Variants in LATS2 observed in about 807,000 individuals in gnomAD.
LATS2 encodes serine/threonine-protein kinase LATS2.
LATS2 carries 24 observed loss-of-function variants against 76.0 expected under a neutral mutation model. The ratio of observed to expected loss-of-function variants is 0.32; its 90% CI spans 0.23 to 0.44. The LOEUF is 0.44. LATS2 is among the 20% of genes least tolerant of loss of function. LATS2 has a pLI of 1.00. For synonymous variants in LATS2, 692 were observed against 635.4 expected (o/e 1.09, Z -1.34); for missense variants, 1,286 against 1,481.2 (o/e 0.87, Z 2.16).
chr13:21,017,975 G>A (rs982673634), intron 2 of LATS2: 15 of 152,098 alleles, frequency 9.9e-5, no homozygotes, highest in African/African-American at 3.6e-4. Flanking sequence ...TCAATTAGGT[G>A]CCATGGTTTT....
chr13:20,979,342 G>GT (rs1869768251), intron 7 of LATS2, among the ~76,000 whole-genome samples: 1 of 151,998 alleles, frequency 6.6e-6, no homozygotes, highest in African/African-American at 2.4e-5. Flanking sequence ...CTGGAGTTCC[G>GT]TGTGTTCTCT....
chr13:20,980,302 G>A (rs913022681), intron 6 of LATS2, among the ~76,000 whole-genome samples: 48 of 152,190 alleles, frequency 3.2e-4, no homozygotes, highest in African/African-American at 6.0e-4. Context: ...AGGCCCCTAC[G>A]GAGCCGGGCC....
At chr13:21,045,322 C>T (rs945380474) in intron 2 of LATS2, among the ~76,000 whole-genome samples, 1 of 152,102 alleles carries the variant, frequency 6.6e-6, no homozygotes, top group African/African-American at 2.4e-5. Flanking sequence ...GGAAGCCAGT[C>T]TCTTTCCACG....
At chr13:20,980,237 G>A (rs978416188) in intron 6 of LATS2, among the ~76,000 whole-genome samples, 1 of 152,108 alleles carries the variant, frequency 6.6e-6, no homozygotes, top group Non-Finnish European at 1.5e-5. Flanking sequence ...GAGATGAGGA[G>A]GAGGTGGGCA....
chr13:21,001,983 G>A (rs1203773941), intron 2 of LATS2, among the ~76,000 whole-genome samples: 3 of 150,202 alleles, frequency 2.0e-5, no homozygotes, highest in Admixed American at 6.6e-5. Flanking sequence ...GCACTATCTC[G>A]GCTCACTGCA....
chr13:21,010,002 C>G (rs1215934706), intron 2 of LATS2, among the ~76,000 whole-genome samples: 1 of 152,120 alleles, frequency 6.6e-6, no homozygotes, highest in African/African-American at 2.4e-5. Context: ...GTGTTCGAGA[C>G]CAGCCTGGCC....
At chr13:20,976,174 G>A (rs920098551) in intron 7 of LATS2, among the ~76,000 whole-genome samples, 4 of 152,150 alleles carry the variant, frequency 2.6e-5, no homozygotes, top group African/African-American at 9.7e-5. Flanking sequence ...ACAAAACCTA[G>A]GGGACTTCTT....
At chr13:21,003,784 C>G (rs1177570870) in intron 2 of LATS2, among the ~76,000 whole-genome samples, 1 of 151,678 alleles carries the variant, frequency 6.6e-6, no homozygotes, top group Non-Finnish European at 1.5e-5. Context: ...CACCATGTTG[C>G]CTAGGCTGGT....
At chr13:21,003,422 TTGTC>T (rs906674527) in intron 2 of LATS2, among the ~76,000 whole-genome samples, 48 of 150,422 alleles carry the variant, frequency 3.2e-4, no homozygotes, top group Middle Eastern at 3.4e-3. Context: ...CAACTAATTT[TTGTC>T]TGTCTTTCTT....
At chr13:21,045,664 C>T (rs754855459) in intron 2 of LATS2, 21 bp downstream of exon 2, 1 of 1,587,324 alleles carries the variant, frequency 6.3e-7, no homozygotes, top group East Asian at 2.2e-5. Flanking sequence ...TGCACATGGC[C>T]CTGCAGAGGT....
chr13:21,023,646 TAAAAAAAAAAA>T (rs1169391710), intron 2 of LATS2, among the ~76,000 whole-genome samples: 4 of 70,076 alleles, frequency 5.7e-5, no homozygotes, highest in African/African-American at 3.0e-4. Context: ...TGACTGGCTT[TAAAAAAAAAAA>T]AAAAAAAAAA....
intron 1 of LATS2, among the ~76,000 whole-genome samples, chr13:21,058,993 G>A (rs999120731): frequency 6.6e-6 from 1 of 150,560 alleles, no homozygotes; most frequent in African/African-American, 2.4e-5. Context: ...ACAAGATTTA[G>A]CACAAATTTC....
At chr13:21,012,865 T>G (rs992773424) in intron 2 of LATS2, among the ~76,000 whole-genome samples, 1 of 152,018 alleles carries the variant, frequency 6.6e-6, no homozygotes, top group Non-Finnish European at 1.5e-5. Flanking sequence ...ATAGATTAGC[T>G]TTTTACCTAA....
chr13:21,055,643 C>T (rs1316049183), intron 1 of LATS2, among the ~76,000 whole-genome samples: 2 of 152,202 alleles, frequency 1.3e-5, no homozygotes, highest in Non-Finnish European at 2.9e-5. Context: ...TATCCTAGTG[C>T]TTCACAAACC....
At chr13:21,030,606 A>G (rs1308541385) in intron 2 of LATS2, among the ~76,000 whole-genome samples, 2 of 71,348 alleles carry the variant, frequency 2.8e-5, no homozygotes, top group African/African-American at 9.2e-5. Context: ...AAAAAAAAAA[A>G]AAAAAGAAAA....
rs746620390 is a variant in LATS2, at chr13:20,974,876, G to A, written c.3261C>T (p.Tyr1087=). 48 of 1,609,766 alleles carry A rather than the reference G, an allele frequency of 3.0e-5. No homozygotes were observed. Among genetic ancestry groups the A allele is most frequent in the South Asian group, 1.3e-4 (12 of 90,494 alleles). ...GGGGGTGCCTGGCCCCCATCTACAC[G>A]TACACAGGCTGGCAGCCTTCAGTCT... ...VDQTEGCQPV[Y]V Residue 1087 remains tyrosine, a synonymous_variant, in exon 8 of 8, where the codon TAC becomes TAT. Transcript: ENST00000382592.
intron 1 of LATS2, among the ~76,000 whole-genome samples, 174 bp from the exon 2 acceptor site, chr13:21,046,404 T>G (rs1252295682): frequency 6.6e-6 from 1 of 152,224 alleles, no homozygotes; most frequent in Non-Finnish European, 1.5e-5. Flanking sequence ...TTAGAGCACA[T>G]GACATCTACG....
At chr13:21,017,749 C>T (rs1256356299) in intron 2 of LATS2, among the ~76,000 whole-genome samples, 1 of 152,000 alleles carries the variant, frequency 6.6e-6, no homozygotes, top group Non-Finnish European at 1.5e-5. Context: ...CTTCAGCCTC[C>T]CAAGTAGCTA....
intron 2 of LATS2, among the ~76,000 whole-genome samples, chr13:21,021,474 CAAAAAAAAAAAAAAA>C (rs58976562): frequency 2.1e-5 from 1 of 48,376 alleles, no homozygotes; most frequent in African/African-American, 6.9e-5. Context: ...GACTCTGTCT[CAAAAAAAAAAAAAAA>C]AAAAAAAAAA....
Sources: gnomAD v4.1 joint callset for allele counts (sites outside exome capture counted in the v4.1 genomes callset) on GRCh38, gnomAD v4.1.1 for gene constraint, MANE v1.5 for transcripts, NCBI Gene and HGNC (gene_info 2026-07-23, HGNC 2026-07-21) for gene names.